The following WDR72 variants were observed in gnomAD, a reference collection of about 807,000 sequenced individuals.
The protein encoded by WDR72 is WD repeat domain 72.
In WDR72, 120 loss-of-function variants were observed where a neutral mutation model predicts 124.2. The ratio of observed to expected loss-of-function variants is 0.97; its 90% CI spans 0.83 to 1.12. The LOEUF (loss-of-function observed/expected upper bound fraction) is 1.12. Ranked by LOEUF, WDR72 falls within the 50% of genes most tolerant of loss-of-function variation. WDR72 has a pLI of 0.00. For missense variants in WDR72, 1,387 were observed against 1,278.8 expected, an observed-to-expected ratio of 1.08 and a Z score of -1.29; for synonymous variants, 452 against 441.7, an observed-to-expected ratio of 1.02 and a Z score of -0.29.
intron 1 of WDR72, among the ~76,000 whole-genome samples, chr15:53,754,045 C>G (rs1377764688): frequency 1.3e-5 from 2 of 152,076 alleles, no homozygotes; most frequent in Non-Finnish European, 2.9e-5. Context: ...GCCAGTCCAC[C>G]TATTTCTTTA....
At chr15:53,597,049 A>T in intron 18 of WDR72, 30 bp downstream of exon 18, 1 of 1,608,782 alleles carries the variant, frequency 6.2e-7, no homozygotes. Flanking sequence ...AGTTCTGTTG[A>T]AAGAGTATAC....
chr15:53,560,410 G>A (rs943117706), intron 18 of WDR72, among the ~76,000 whole-genome samples: 10 of 151,822 alleles, frequency 6.6e-5, no homozygotes, highest in African/African-American at 2.2e-4. Context: ...TTCTTTACTT[G>A]TCCTTACGAG....
intron 14 of WDR72, among the ~76,000 whole-genome samples, chr15:53,639,305 G>T (rs1036377680): frequency 7.2e-5 from 11 of 151,928 alleles, no homozygotes; most frequent in Non-Finnish European, 1.3e-4. Flanking sequence ...GCAGTCCCTG[G>T]AGCAGAGCTT....
chr15:53,615,630 C>T lies in WDR72; in HGVS notation c.2576G>A (p.Gly859Glu), dbSNP rs777768872. Residue 859 changes from glycine to glutamate, a missense_variant, in exon 15 of 20, where the codon GGA becomes GAA. Physicochemically the swap from Gly to Glu is moderately conservative, Grantham distance 98 (BLOSUM62 -2). Coordinates refer to ENST00000360509, the MANE Select transcript of WDR72 (RefSeq NM_182758.4). ...AACTTTCCTGGAAAATAAATTTACTCCTGAATAGTCTTTTATCATTCCACT... is the reference window on the plus strand; with the variant it reads ...AACTTTCCTGGAAAATAAATTTACTTCTGAATAGTCTTTTATCATTCCACT... ...CNSGMIKDYS[G>E]VNLFSRKVLD... The T allele has an allele frequency of 2.5e-6, 4 of 1,612,396 alleles. No individual in the cohort carries two copies. Among genetic ancestry groups the T allele is most frequent in the Non-Finnish European group, 2.5e-6 (3 of 1,179,122 alleles).
Position 53,668,992 on chromosome 15 carries a change from G to GGAGGAGGAGA in WDR72, c.1766-3225_1766-3224insTCTCCTCCTC, listed in dbSNP as rs1567016149. ...GGAGGAGGAGGAGAAGGAGAAGGAG[G>GGAGGAGGAGA]AGGAGAAGGAGAAGGAGAAGGAGAA... is the stretch of plus-strand genomic sequence containing the variant. On this transcript the variant is annotated intron_variant, in intron 13 of 19. Transcript: ENST00000360509. Among the ~76,000 whole-genome samples, 12 of 24,854 alleles carry GGAGGAGGAGA rather than the reference G, an allele frequency of 4.8e-4. No individual in the cohort carries two copies. In the East Asian group the frequency reaches 8.4e-3, roughly 17 times the overall value. The allele number at this position is 24,854 out of a possible 152,430, so 16.3% of individuals were successfully genotyped here.
chr15:53,535,815 C>T (rs144028418), intron 18 of WDR72, among the ~76,000 whole-genome samples: 9 of 152,248 alleles, frequency 5.9e-5, no homozygotes, highest in South Asian at 4.1e-4. Context: ...TTCCAACCCA[C>T]CTATGGCACA....
chr15:53,730,949 G>C (rs940073880), intron 2 of WDR72, among the ~76,000 whole-genome samples: 1 of 151,996 alleles, frequency 6.6e-6, no homozygotes, highest in Non-Finnish European at 1.5e-5. Flanking sequence ...TGCAATGTGG[G>C]GGGGCAAGAT....
In WDR72 at chr15:53,715,306, T is replaced by C; in HGVS notation, c.401A>G (p.Gln134Arg). 1 of 1,614,140 alleles carries C rather than the reference T, an allele frequency of 6.2e-7. No individual in the cohort carries two copies. The highest frequency in any genetic ancestry group is 8.5e-7 in the Non-Finnish European group (1 of 1,180,006). Reference sequence around the variant, plus strand: ...TTTGGCATCAATTATAAGGACATCTTGATATTCTCCACAACAAAGAAGCCA... The same window carrying C: ...TTTGGCATCAATTATAAGGACATCTCGATATTCTCCACAACAAAGAAGCCA... ...EGWLLCCGEY[Q>R]DVLIIDAKTL... is the part of the protein sequence containing the mutation. Residue 134 changes from glutamine to arginine, a missense_variant, in exon 5 of 20, where the codon CAA (glutamine) becomes CGA (arginine). Gln to Arg is a conservative substitution (Grantham distance 43, BLOSUM62 1). Transcript: ENST00000360509.
At chr15:53,534,214 G>C (rs1892630738) in intron 18 of WDR72, among the ~76,000 whole-genome samples, 1 of 152,102 alleles carries the variant, frequency 6.6e-6, no homozygotes, top group Non-Finnish European at 1.5e-5. Flanking sequence ...TAATGCTCAT[G>C]GGACAGCTAA....
At chr15:53,578,375 G>A (rs2011728320) in intron 18 of WDR72, among the ~76,000 whole-genome samples, 1 of 152,124 alleles carries the variant, frequency 6.6e-6, no homozygotes, top group Admixed American at 6.6e-5. Flanking sequence ...GTGGGAAAGG[G>A]GAAAAACCTT....
chr15:53,616,361 C>T, intron 14 of WDR72, 118 bp from the exon 15 acceptor site: 1 of 732,158 alleles, frequency 1.4e-6, no homozygotes, highest in South Asian at 2.2e-5. Context: ...AAAGGCAAGT[C>T]ATTTCAATTT....
chr15:53,517,830 G>T, intron 19 of WDR72, 76 bp from the exon 20 acceptor site: 1 of 1,360,720 alleles, frequency 7.3e-7, no homozygotes, highest in South Asian at 1.2e-5. Context: ...AAGAGGAGGG[G>T]AGGGAGAGAG....
intron 13 of WDR72, among the ~76,000 whole-genome samples, chr15:53,678,792 G>T (rs929926809): frequency 8.5e-5 from 13 of 152,134 alleles, no homozygotes; most frequent in Admixed American, 6.5e-5. Flanking sequence ...AAGCATCTGT[G>T]TTGACTTCTG....
At chr15:53,759,143 T>A (rs1289005449) in intron 1 of WDR72, among the ~76,000 whole-genome samples, 1 of 152,114 alleles carries the variant, frequency 6.6e-6, no homozygotes. Flanking sequence ...CCGGTCGTTT[T>A]CCCTGCCCTT....
chr15:53,668,670 G>A (rs1203798971), intron 13 of WDR72, among the ~76,000 whole-genome samples: 9 of 152,044 alleles, frequency 5.9e-5, no homozygotes, highest in South Asian at 2.1e-4. Flanking sequence ...TTGGGAGGGC[G>A]AGACGGGTGG....
intron 13 of WDR72, among the ~76,000 whole-genome samples, chr15:53,672,312 T>TA (rs5812704): frequency 0.081 from 11,080 of 136,354 alleles, 1,672 homozygotes; most frequent in African/African-American, 0.28. Flanking sequence ...AAATGCCGAT[T>TA]AAAAAAAAAA....
rs573756657 is a variant in WDR72 at position 53,675,780 on chromosome 15, G to A, written c.1766-10012C>T. On this transcript the variant is annotated intron_variant, in intron 13 of 19. Coordinates refer to ENST00000360509, the MANE Select transcript of WDR72 (RefSeq NM_182758.4). Reference sequence around the variant, plus strand: ...GTTGATCTGGAATTTTTCCTGGGAAGAGGAAGAGTATTGGGAAAGGATAAA... The same window carrying A: ...GTTGATCTGGAATTTTTCCTGGGAAAAGGAAGAGTATTGGGAAAGGATAAA... 3.9e-5 allele frequency among the ~76,000 whole-genome samples: 6 copies of A among 152,290 alleles called. No homozygotes were observed. The South Asian group carries it at 1.2e-3, about 32-fold the overall frequency.
chr15:53,678,866 G>A (rs2016271842), intron 13 of WDR72, among the ~76,000 whole-genome samples: 2 of 152,206 alleles, frequency 1.3e-5, no homozygotes, highest in African/African-American at 4.8e-5. Context: ...CATGTTCACA[G>A]CAGCATTATT....
chr15:53,726,258 A>G (rs200488505), intron 2 of WDR72, among the ~76,000 whole-genome samples: 1,017 of 69,544 alleles, frequency 0.015, 8 homozygotes, highest in East Asian at 0.027. Flanking sequence ...ATATATATGT[A>G]TGTGTGTATA....
Sources: gnomAD v4.1 joint callset for allele counts (sites outside exome capture counted in the v4.1 genomes callset) on GRCh38, gnomAD v4.1.1 for gene constraint, MANE v1.5 for transcripts, NCBI Gene and HGNC (gene_info 2026-07-23, HGNC 2026-07-21) for gene names.